The following SORCS1 variants were observed in gnomAD, a reference collection of about 807,000 sequenced individuals.
SORCS1 encodes sortilin related VPS10 domain containing receptor 1.
A neutral mutation model predicts 146.1 loss-of-function variants in SORCS1; 60 were observed. That is an observed-to-expected ratio of 0.41 (90% CI 0.33 to 0.51). The LOEUF (loss-of-function observed/expected upper bound fraction) is 0.51, where lower values mean the gene tolerates loss of function less well. SORCS1 is among the 20% of genes least tolerant of loss of function. The pLI is 0.21. For missense variants in SORCS1, 1,352 were observed against 1,487.6 expected (o/e 0.91, Z 1.50); for synonymous variants, 637 against 584.0 (o/e 1.09, Z -1.31).
intron 2 of SORCS1, among the ~76,000 whole-genome samples, chr10:106,870,215 A>T (rs1222034101): frequency 6.6e-6 from 1 of 152,198 alleles, no homozygotes; most frequent in Non-Finnish European, 1.5e-5. Flanking sequence ...ATGGAAAAAC[A>T]TCCCATGCTC....
At chr10:106,859,604 G>A (rs1419029315) in intron 2 of SORCS1, among the ~76,000 whole-genome samples, 1 of 152,114 alleles carries the variant, frequency 6.6e-6, no homozygotes, top group Non-Finnish European at 1.5e-5. Flanking sequence ...TGTTGGCCAG[G>A]CTGGTCTTGA....
At chr10:106,785,113 C>T (rs1945995713) in intron 3 of SORCS1, among the ~76,000 whole-genome samples, 1 of 152,262 alleles carries the variant, frequency 6.6e-6, no homozygotes, top group South Asian at 2.1e-4. Context: ...AAACTGAGGG[C>T]TCTTGGGGAA....
intron 1 of SORCS1, among the ~76,000 whole-genome samples, chr10:106,989,685 T>G (rs1411208622): frequency 7.3e-6 from 1 of 137,064 alleles, no homozygotes; most frequent in African/African-American, 3.1e-5. Context: ...TTTTTGTTTT[T>G]TTTTTTTTTT....
At chr10:106,652,671 T>G in intron 17 of SORCS1, 118 bp from the exon 18 acceptor site, 1 of 1,078,348 alleles carries the variant, frequency 9.3e-7, no homozygotes. Context: ...CTAACCATCT[T>G]TCATGCTACT....
chr10:107,013,760 C>T (rs574370815), intron 1 of SORCS1, among the ~76,000 whole-genome samples: 4 of 152,244 alleles, frequency 2.6e-5, no homozygotes, highest in South Asian at 4.1e-4. Context: ...CTCCTGCCAG[C>T]GTGTCTGACC....
intron 2 of SORCS1, among the ~76,000 whole-genome samples, chr10:106,862,013 G>A (rs1950032553): frequency 6.6e-6 from 1 of 152,124 alleles, no homozygotes; most frequent in South Asian, 2.1e-4. Flanking sequence ...CTGAGCTTTT[G>A]TTACCTTTAG....
chr10:107,120,721 C>T (rs977192578), intron 1 of SORCS1, among the ~76,000 whole-genome samples: 2 of 152,112 alleles, frequency 1.3e-5, no homozygotes, highest in East Asian at 1.9e-4. Flanking sequence ...CTGCTTAAAC[C>T]GGCCATGCAT....
intron 3 of SORCS1, among the ~76,000 whole-genome samples, chr10:106,807,247 A>C (rs536362357): frequency 6.6e-6 from 1 of 152,332 alleles, no homozygotes; most frequent in East Asian, 1.9e-4. Context: ...GAGTGCAAGG[A>C]CTGCAGATAA....
chr10:106,929,022 T>G (rs1465488443), intron 2 of SORCS1, among the ~76,000 whole-genome samples: 5 of 152,022 alleles, frequency 3.3e-5, no homozygotes, highest in Non-Finnish European at 5.9e-5. Flanking sequence ...TAAAGCATGC[T>G]GATGATGAGA....
chr10:106,821,179 C>T (rs1358708879), intron 3 of SORCS1, among the ~76,000 whole-genome samples: 1 of 152,150 alleles, frequency 6.6e-6, no homozygotes, highest in African/African-American at 2.4e-5. Flanking sequence ...TTCCAAGAAC[C>T]ACTCAGTGAT....
chr10:107,171,187 T>A, the SORCS1 span, among the ~76,000 whole-genome samples: 36 of 152,306 alleles, frequency 2.4e-4, no homozygotes, highest in East Asian at 4.6e-3. Context: ...GTATATTTTT[T>A]AAAAATCAAC....
rs559197161 is a variant in SORCS1 at position 106,812,720 on chromosome 10, G to A, written c.726+16854C>T. ...ACATGTATGCATGTATGTATATTAT[G>A]TATATATTAATAGCTATTTATACTA... On this transcript the variant is annotated intron_variant, in intron 3 of 25. Transcript: ENST00000263054. 1.2e-3 allele frequency among the ~76,000 whole-genome samples: 189 copies of A among 152,242 alleles called. 2 individuals carry two copies. Among genetic ancestry groups the A allele is most frequent in the African/African-American group, 4.3e-3 (179 of 41,550 alleles).
intron 3 of SORCS1, among the ~76,000 whole-genome samples, chr10:106,798,990 C>A (rs1946731928): frequency 6.6e-6 from 1 of 152,146 alleles, no homozygotes; most frequent in Non-Finnish European, 1.5e-5. Context: ...TACTACAAAG[C>A]TACAGTAACC....
At chr10:106,737,114 C>G (rs1857008045) in intron 5 of SORCS1, among the ~76,000 whole-genome samples, 1 of 151,756 alleles carries the variant, frequency 6.6e-6, no homozygotes, top group Admixed American at 6.6e-5. Flanking sequence ...CAAGTCTGAC[C>G]TGGAATGAAG....
intron 1 of SORCS1, among the ~76,000 whole-genome samples, chr10:106,990,310 C>T (rs1956714645): frequency 6.6e-6 from 1 of 152,126 alleles, no homozygotes; most frequent in African/African-American, 2.4e-5. Flanking sequence ...TGCTCTGTTG[C>T]CCAGGTTGGA....
At chr10:107,155,929 A>G (rs1289824672) in intron 1 of SORCS1, among the ~76,000 whole-genome samples, 1 of 152,198 alleles carries the variant, frequency 6.6e-6, no homozygotes, top group African/African-American at 2.4e-5. Context: ...GTCAGCAGGG[A>G]GAAACCAAAC....
At chr10:107,035,908 T>C (rs907254699) in intron 1 of SORCS1, among the ~76,000 whole-genome samples, 1 of 149,050 alleles carries the variant, frequency 6.7e-6, no homozygotes, top group African/African-American at 2.4e-5. Flanking sequence ...ACAAACAATA[T>C]ATAAAAATAT....
chr10:107,085,525 AT>A (rs1231729208), intron 1 of SORCS1, among the ~76,000 whole-genome samples: 3 of 152,212 alleles, frequency 2.0e-5, no homozygotes, highest in African/African-American at 7.2e-5. Flanking sequence ...TAAATAATTT[AT>A]TTACCATCAA....
chr10:106,805,961 G>C (rs1287630044), intron 3 of SORCS1, among the ~76,000 whole-genome samples: 1 of 151,234 alleles, frequency 6.6e-6, no homozygotes, highest in Non-Finnish European at 1.5e-5. Context: ...TCGGGAGGCT[G>C]AGGCACGAGA....
Sources: gnomAD v4.1 joint callset for allele counts (sites outside exome capture counted in the v4.1 genomes callset) on GRCh38, gnomAD v4.1.1 for gene constraint, MANE v1.5 for transcripts, NCBI Gene and HGNC (gene_info 2026-07-23, HGNC 2026-07-21) for gene names.